Variants in PTPRM observed in about 807,000 individuals in gnomAD.
PTPRM encodes receptor-type tyrosine-protein phosphatase mu.
PTPRM carries 47 observed loss-of-function variants against 186.7 expected under a neutral mutation model. That is an observed-to-expected ratio of 0.25 (90% CI 0.20 to 0.32). PTPRM has a LOEUF of 0.32. Ranked by LOEUF, PTPRM falls within the 10% of genes least tolerant of loss-of-function variation. PTPRM has a pLI of 1.00. For missense variants in PTPRM, 1,494 were observed against 1,865.0 expected (o/e 0.80, Z 3.66); for synonymous variants, 668 against 674.9 (o/e 0.99, Z 0.16).
chr18:8,336,865 T>A (rs2095442799), intron 22 of PTPRM, among the ~76,000 whole-genome samples: 3 of 151,898 alleles, frequency 2.0e-5, no homozygotes, highest in Admixed American at 2.0e-4. Flanking sequence ...TAGTCTCAGC[T>A]ACTCAGAAGG....
chr18:8,038,662 G>C (rs891377701), intron 7 of PTPRM, among the ~76,000 whole-genome samples: 1 of 152,170 alleles, frequency 6.6e-6, no homozygotes, highest in Non-Finnish European at 1.5e-5. Context: ...AAAGTGCTGG[G>C]ATTACAGGCG....
intron 2 of PTPRM, among the ~76,000 whole-genome samples, chr18:7,780,094 G>T (rs1443953769): frequency 6.6e-6 from 1 of 152,136 alleles, no homozygotes; most frequent in Non-Finnish European, 1.5e-5. Flanking sequence ...TCTAAAAAAA[G>T]TAAGATAAAA....
At chr18:7,824,818 C>G (rs986620621) in intron 2 of PTPRM, among the ~76,000 whole-genome samples, 1 of 152,130 alleles carries the variant, frequency 6.6e-6, no homozygotes, top group South Asian at 2.1e-4. Context: ...AGAATTGTGC[C>G]CTGGATGTCA....
intron 22 of PTPRM, among the ~76,000 whole-genome samples, chr18:8,334,685 T>C (rs770265013): frequency 6.6e-6 from 1 of 152,258 alleles, no homozygotes; most frequent in Non-Finnish European, 1.5e-5. Flanking sequence ...GACCATCTTT[T>C]TGTTCACTGT....
intron 7 of PTPRM, among the ~76,000 whole-genome samples, chr18:8,013,599 T>C (rs1182934043): frequency 6.6e-6 from 1 of 152,070 alleles, no homozygotes; most frequent in African/African-American, 2.4e-5. Flanking sequence ...GTGCCAGAGA[T>C]GGAGGAAAAT....
Position 8,126,031 on chromosome 18 carries a change from T to TTA in PTPRM, c.2167+11204_2167+11205insTA, listed in dbSNP as rs1411357861. The stretch of plus-strand genomic sequence containing the variant: ...TATATATATATATATATATATATTT[T>TTA]AAATCAGTAGACCTTTCCATTGCAA... On this transcript the variant is annotated intron_variant, in intron 13 of 32. Transcript: ENST00000580170. 5.4e-5 allele frequency among the ~76,000 whole-genome samples: 5 copies of TTA among 92,576 alleles called. 1 individual carries two copies. Among genetic ancestry groups the TTA allele is most frequent in the Admixed American group, 4.9e-4 (4 of 8,176 alleles). The allele number at this position is 92,576 out of a possible 152,430, so 60.7% of individuals were successfully genotyped here. A position where few individuals can be genotyped will look rare whatever the true frequency, so the allele number is the denominator to read the frequency against.
chr18:8,242,061 C>A (rs2094438734), intron 14 of PTPRM, among the ~76,000 whole-genome samples: 1 of 152,082 alleles, frequency 6.6e-6, no homozygotes, highest in African/African-American at 2.4e-5. Context: ...TCCCTCCCAG[C>A]CAACCACACA....
chr18:8,028,803 C>G (rs1047756956), intron 7 of PTPRM, among the ~76,000 whole-genome samples: 1 of 152,288 alleles, frequency 6.6e-6, no homozygotes, highest in African/African-American at 2.4e-5. Flanking sequence ...GAGAGCACGA[C>G]GAGGAAGATG....
At chr18:7,748,281 G>T (rs532688620) in intron 1 of PTPRM, among the ~76,000 whole-genome samples, 2 of 152,360 alleles carry the variant, frequency 1.3e-5, no homozygotes, top group East Asian at 1.9e-4. Context: ...TAGTCACTTT[G>T]AGTTTAAAGA....
chr18:8,336,304 A>G (rs1356817392), intron 22 of PTPRM, among the ~76,000 whole-genome samples: 2 of 152,124 alleles, frequency 1.3e-5, no homozygotes, highest in African/African-American at 2.4e-5. Flanking sequence ...CATCCCTGCA[A>G]TCCCAGCACT....
At chr18:7,743,564 C>G (rs2144528581) in intron 1 of PTPRM, among the ~76,000 whole-genome samples, 1 of 152,152 alleles carries the variant, frequency 6.6e-6, no homozygotes, top group East Asian at 1.9e-4. Flanking sequence ...GCTGCTAAAA[C>G]CTGGTATTTT....
At chr18:7,999,799 A>G (rs1165869993) in intron 7 of PTPRM, among the ~76,000 whole-genome samples, 1 of 152,052 alleles carries the variant, frequency 6.6e-6, no homozygotes, top group African/African-American at 2.4e-5. Context: ...AACCAATATG[A>G]TATGTGTGTG....
chr18:7,747,379 A>G (rs546910674), intron 1 of PTPRM, among the ~76,000 whole-genome samples: 77 of 152,292 alleles, frequency 5.1e-4, no homozygotes, highest in African/African-American at 1.7e-3. Flanking sequence ...CCTGTTTCAT[A>G]TGCCAGCCAT....
intron 11 of PTPRM, among the ~76,000 whole-genome samples, chr18:8,099,375 C>G (rs1032729674): frequency 2.0e-5 from 3 of 152,176 alleles, no homozygotes; most frequent in African/African-American, 7.2e-5. Flanking sequence ...GATTTTACTT[C>G]TGTATTTCCA....
chr18:8,018,719 A>T, intron 7 of PTPRM, among the ~76,000 whole-genome samples: 1 of 152,176 alleles, frequency 6.6e-6, no homozygotes, highest in South Asian at 2.1e-4. Flanking sequence ...CAACCTTTAT[A>T]TATGAATATG....
chr18:7,723,667 T>C (rs2144877941), intron 1 of PTPRM, among the ~76,000 whole-genome samples: 1 of 152,324 alleles, frequency 6.6e-6, no homozygotes, highest in East Asian at 1.9e-4. Flanking sequence ...GGAGAAGCTC[T>C]CAACCAGTGG....
intron 22 of PTPRM, among the ~76,000 whole-genome samples, chr18:8,325,845 AT>A (rs1430266073): frequency 1.3e-5 from 2 of 151,896 alleles, no homozygotes; most frequent in Admixed American, 6.6e-5. Flanking sequence ...AGCATCTGTT[AT>A]TTTTTCTTTT....
intron 4 of PTPRM, among the ~76,000 whole-genome samples, chr18:7,910,585 C>G (rs1001196328): frequency 6.6e-6 from 1 of 152,122 alleles, no homozygotes; most frequent in Non-Finnish European, 1.5e-5. Flanking sequence ...GGGGACCATT[C>G]AGAGGCTGAA....
At chr18:7,954,982 T>C in intron 6 of PTPRM, 139 bp from the exon 7 acceptor site, 1 of 865,452 alleles carries the variant, frequency 1.2e-6, no homozygotes, top group Non-Finnish European at 1.7e-6. Context: ...CTTTTTCTTG[T>C]TAACCCAAAC....
Sources: gnomAD v4.1 joint callset for allele counts (sites outside exome capture counted in the v4.1 genomes callset) on GRCh38, gnomAD v4.1.1 for gene constraint, MANE v1.5 for transcripts, NCBI Gene and HGNC (gene_info 2026-07-23, HGNC 2026-07-21) for gene names.